PAK3: variants seen among roughly 807,000 people sequenced by gnomAD.
The protein encoded by PAK3 is p21 (RAC1) activated kinase 3, also known as serine/threonine-protein kinase PAK 3.
A neutral mutation model predicts 41.0 loss-of-function variants in PAK3; 4 were observed. That is an observed-to-expected ratio of 0.10 (90% CI 0.05 to 0.22). The LOEUF is 0.22. Among genes scored for constraint, PAK3 ranks in the 10% least tolerant of loss-of-function variants. PAK3 has a pLI of 1.00. For synonymous variants in PAK3, 146 were observed against 139.6 expected (o/e 1.05, Z -0.32); for missense variants, 205 against 409.9 (o/e 0.50, Z 4.32).
intron 10 of PAK3, among the ~76,000 whole-genome samples, chrX:111,171,731 G>A (rs1471140347): frequency 9.0e-6 from 1 of 111,540 alleles, no homozygotes; most frequent in Admixed American, 9.5e-5. Flanking sequence ...GGGAGTAACT[G>A]CTAACAAGTA....
intron 11 of PAK3, among the ~76,000 whole-genome samples, chrX:111,185,915 A>T (rs2094505487): frequency 9.0e-6 from 1 of 111,396 alleles, no homozygotes; most frequent in Non-Finnish European, 1.9e-5. Context: ...GGCAAACTGA[A>T]TCCAGCAGCA....
At chrX:111,185,027 G>GCTT (rs1373248702) in intron 11 of PAK3, among the ~76,000 whole-genome samples, 15 of 111,757 alleles carry the variant, frequency 1.3e-4, no homozygotes, top group Non-Finnish European at 1.3e-4. Context: ...TGATGTAAAA[G>GCTT]CATTCCTATT....
intron 1 of PAK3, among the ~76,000 whole-genome samples, chrX:111,062,421 A>C (rs2092664505): frequency 8.9e-6 from 1 of 112,257 alleles, no homozygotes; most frequent in Admixed American, 9.4e-5. Flanking sequence ...CAAACTTGAG[A>C]CCAAATACCA....
chrX:110,997,369 A>C (rs1329619699), intron 1 of PAK3, among the ~76,000 whole-genome samples: 1 of 111,830 alleles, frequency 8.9e-6, no homozygotes, highest in African/African-American at 3.3e-5. Flanking sequence ...GAGTGGAAGC[A>C]GAAGAACCAG....
intron 1 of PAK3, among the ~76,000 whole-genome samples, chrX:111,049,815 T>C (rs1268753659): frequency 9.0e-6 from 1 of 111,444 alleles, no homozygotes; most frequent in Non-Finnish European, 1.9e-5. Context: ...TAGAACAAAA[T>C]AGGAAATTTG....
chrX:111,159,857 A>C (rs2094148889), intron 8 of PAK3, among the ~76,000 whole-genome samples: 1 of 112,119 alleles, frequency 8.9e-6, no homozygotes, highest in Non-Finnish European at 1.9e-5. Flanking sequence ...AGGGCAATAA[A>C]ATATTCTTTC....
At chrX:111,173,971 T>G (rs940182395) in intron 11 of PAK3, among the ~76,000 whole-genome samples, 1 of 111,369 alleles carries the variant, frequency 9.0e-6, no homozygotes, top group African/African-American at 3.3e-5. Context: ...AACTACTGTA[T>G]GTCAGAAACA....
At position 111,010,540 on chromosome X, in the gene PAK3, G is replaced by C. The variant is rs1326705914; in HGVS notation, c.-28+65912G>C. On this transcript the variant is annotated intron_variant, in intron 1 of 14. Transcript: ENST00000425146. ...CACTGGGGCAGATTCCTCATGAATG[G>C]CTAAGTGCCATCCCCTTGGTGATGA... is the stretch of plus-strand genomic sequence containing the variant. Among the ~76,000 whole-genome samples, 3 of 111,642 alleles carry C rather than the reference G, an allele frequency of 2.7e-5. No homozygotes were observed. In the Admixed American group the frequency reaches 2.8e-4, roughly 11 times the overall value.
chrX:111,144,915 GA>G, intron 6 of PAK3: 4 of 1,065,100 alleles, frequency 3.8e-6, no homozygotes, highest in South Asian at 2.0e-5. Context: ...CAATCAGAGG[GA>G]AAAATGGTAT....
intron 16 of PAK3, among the ~76,000 whole-genome samples, chrX:111,213,328 C>A (rs945632187): frequency 8.9e-6 from 1 of 112,037 alleles, no homozygotes; most frequent in Non-Finnish European, 1.9e-5. Flanking sequence ...ACAGGGCTTT[C>A]TTCTCCCTTG....
chrX:111,162,165 A>G lies in PAK3; in HGVS notation c.469-750A>G, dbSNP rs1406818561. 2.7e-5 allele frequency among the ~76,000 whole-genome samples: 3 copies of G among 112,064 alleles called. No homozygotes were observed. The East Asian group carries it at 8.5e-4, about 32-fold the overall frequency. On this transcript the variant is annotated intron_variant, in intron 8 of 17. Transcript: ENST00000372007. ...ACCACACTTTGAGAACCATGGCCAC[A>G]GTTCTTTCAAAATCCAACTTTGGAA...
Position 111,216,436 on chromosome X carries a change from G to A in PAK3, c.1423G>A (p.Ala475Thr), listed in dbSNP as rs2149397715. 8.4e-7 allele frequency: 1 copy of A among 1,185,900 alleles called. No individual in the cohort carries two copies. The highest frequency in any genetic ancestry group is 1.1e-6 in the Non-Finnish European group (1 of 872,017). Reference sequence around the variant, plus strand: ...TTTTCTACAGGCATTGTATCTGATAGCCACTAATGGAACTCCAGAGCTCCA... The same window carrying A: ...TTTTCTACAGGCATTGTATCTGATAACCACTAATGGAACTCCAGAGCTCCA... ...ENPLRALYLI[A>T]TNGTPELQNP... Residue 475 changes from alanine to threonine, a missense_variant, in exon 17 of 18, where the codon GCC becomes ACC. Physicochemically the swap from Ala to Thr is moderately conservative, Grantham distance 58 (BLOSUM62 0). This residue lies in a region of PAK3 where 40 missense variants were observed against 54.4 expected (regional missense o/e 0.74). Coordinates refer to ENST00000372007, the MANE Select transcript of PAK3 (RefSeq NM_002578.5).
At chrX:111,195,561 T>C (rs1241072642) in intron 14 of PAK3, among the ~76,000 whole-genome samples, 1 of 111,988 alleles carries the variant, frequency 8.9e-6, no homozygotes, top group African/African-American at 3.2e-5. Flanking sequence ...AGTATATTAA[T>C]TGGTTAATTT....
Position 111,198,529 on chromosome X carries a change from C to T in PAK3, c.1407+1889C>T, listed in dbSNP as rs1345736131. The stretch of plus-strand genomic sequence containing the variant: ...ATGATGAAGGGAAAGGATCCAATTT[C>T]AATCTTCTGCATATGGCTAGCCAGT... On this transcript the variant is annotated intron_variant, in intron 16 of 17. Transcript: ENST00000372007. Among the ~76,000 whole-genome samples, 5 of 112,049 alleles carry T rather than the reference C, an allele frequency of 4.5e-5. No individual in the cohort carries two copies. The East Asian group carries it at 1.1e-3, about 25-fold the overall frequency.
chrX:111,094,210 C>G (rs1384533838), upstream of PAK3, among the ~76,000 whole-genome samples: 3 of 110,446 alleles, frequency 2.7e-5, no homozygotes, highest in Non-Finnish European at 5.7e-5. Context: ...TTAAAGACAA[C>G]CACGACACCA....
chrX:111,169,873 G>A (rs149250938), intron 10 of PAK3, among the ~76,000 whole-genome samples: 3,148 of 111,670 alleles, frequency 0.028, 47 homozygotes, highest in African/African-American at 0.05. Context: ...GATGAGAAGA[G>A]AATGAAGCAG....
chrX:111,016,996 A>G (rs758908367), intron 1 of PAK3, among the ~76,000 whole-genome samples: 1 of 111,638 alleles, frequency 9.0e-6, no homozygotes, highest in African/African-American at 3.3e-5. Context: ...GCTGGAAAAC[A>G]TCACAAGGGA....
intron 1 of PAK3, among the ~76,000 whole-genome samples, chrX:110,946,404 C>T (rs960776684): frequency 6.3e-5 from 7 of 111,149 alleles, no homozygotes; most frequent in Non-Finnish European, 1.1e-4. Flanking sequence ...CAACACATCT[C>T]TATATTAAGA....
chrX:110,944,922 GC>G (rs1265955824), intron 1 of PAK3, among the ~76,000 whole-genome samples: 3 of 112,014 alleles, frequency 2.7e-5, no homozygotes, highest in Non-Finnish European at 5.6e-5. Flanking sequence ...CCCAGGCTGA[GC>G]TTTCTCTTGT....
Sources: allele counts gnomAD v4.1 joint callset (sites outside exome capture counted in the v4.1 genomes callset), GRCh38; gene constraint gnomAD v4.1.1; regional missense constraint gnomAD v4.1.1; transcripts MANE v1.5; gene names NCBI Gene and HGNC (gene_info 2026-07-23, HGNC 2026-07-21).